The following ULK4 variants were observed in gnomAD, a reference collection of about 807,000 sequenced individuals.
ULK4 encodes inactive serine/threonine-protein kinase ULK4.
In ULK4, 133 loss-of-function variants were observed where a neutral mutation model predicts 160.6. The observed-to-expected ratio is 0.83, with a 90% CI of 0.72 to 0.96. The LOEUF (loss-of-function observed/expected upper bound fraction) is 0.96, where lower values mean the gene tolerates loss of function less well. ULK4 is among the 40% of genes least tolerant of loss of function. ULK4 has a pLI of 0.00. For missense variants in ULK4, 1,580 were observed against 1,499.5 expected, an observed-to-expected ratio of 1.05 and a Z score of -0.89; for synonymous variants, 534 against 539.8, an observed-to-expected ratio of 0.99 and a Z score of 0.15.
chr3:41,268,813 CAAA>C (rs1176923529), intron 35 of ULK4, among the ~76,000 whole-genome samples: 110 of 29,088 alleles, frequency 3.8e-3, no homozygotes, highest in Non-Finnish European at 6.3e-3. Flanking sequence ...CACACACACA[CAAA>C]AAAAAAAAAA....
intron 30 of ULK4, among the ~76,000 whole-genome samples, chr3:41,647,216 C>G (rs1410410388): frequency 6.6e-6 from 1 of 152,232 alleles, no homozygotes; most frequent in African/African-American, 2.4e-5. Context: ...CTCCATCCAG[C>G]TTTGTTCCGT....
At chr3:41,602,695 A>C (rs1383309868) in intron 31 of ULK4, among the ~76,000 whole-genome samples, 1 of 152,142 alleles carries the variant, frequency 6.6e-6, no homozygotes, top group Non-Finnish European at 1.5e-5. Context: ...ATATAGTTTC[A>C]GAGCTGAATT....
intron 30 of ULK4, among the ~76,000 whole-genome samples, chr3:41,648,854 C>CT (rs2034619496): frequency 6.6e-6 from 1 of 152,162 alleles, no homozygotes; most frequent in Admixed American, 6.5e-5. Flanking sequence ...CAGAAGTAGG[C>CT]TAGGCATGGT....
intron 17 of ULK4, among the ~76,000 whole-genome samples, chr3:41,836,746 G>T (rs2041768859): frequency 6.6e-6 from 1 of 152,132 alleles, no homozygotes; most frequent in East Asian, 1.9e-4. Flanking sequence ...TTATACTAAA[G>T]TTGTAATATA....
intron 32 of ULK4, among the ~76,000 whole-genome samples, chr3:41,507,003 T>C (rs922408950): frequency 2.0e-5 from 3 of 149,768 alleles, no homozygotes; most frequent in Admixed American, 6.7e-5. Flanking sequence ...TGCACATATA[T>C]ACACATACAT....
intron 35 of ULK4, among the ~76,000 whole-genome samples, chr3:41,265,714 G>A (rs2079019783): frequency 6.6e-6 from 1 of 152,144 alleles, no homozygotes; most frequent in African/African-American, 2.4e-5. Context: ...GCCCCTTTGA[G>A]AGATCTCACC....
rs183371474 is a variant in ULK4 at position 41,449,705 on chromosome 3, A to T, written c.3492+5792T>A. Among the ~76,000 whole-genome samples, 9 of 152,246 alleles carry T rather than the reference A, an allele frequency of 5.9e-5. No individual in the cohort carries two copies. In the East Asian group the frequency reaches 1.7e-3, roughly 29 times the overall value. ...GAAAAATCTGCTCATGTACTTTGTG[A>T]AAGGAAGAAATTTAGTAATAAAAAT... On this transcript the variant is annotated intron_variant, in intron 34 of 36. Coordinates refer to ENST00000301831, the MANE Select transcript of ULK4 (RefSeq NM_017886.4).
intron 22 of ULK4, among the ~76,000 whole-genome samples, chr3:41,736,239 T>C (rs1338059015): frequency 1.3e-5 from 2 of 151,768 alleles, no homozygotes; most frequent in African/African-American, 2.4e-5. Flanking sequence ...ATGGTATTTC[T>C]AGTTCTAGAT....
intron 21 of ULK4, among the ~76,000 whole-genome samples, chr3:41,758,893 G>T (rs2038893685): frequency 6.6e-6 from 1 of 151,136 alleles, no homozygotes; most frequent in Non-Finnish European, 1.5e-5. Flanking sequence ...AAAAAAAGGT[G>T]TAATTCATCA....
intron 18 of ULK4, among the ~76,000 whole-genome samples, chr3:41,824,011 A>G (rs1048807813): frequency 2.6e-5 from 4 of 152,044 alleles, no homozygotes; most frequent in Non-Finnish European, 5.9e-5. Flanking sequence ...AAAAATACAA[A>G]AATTAGCCAG....
intron 34 of ULK4, among the ~76,000 whole-genome samples, chr3:41,454,861 T>G (rs186540791): frequency 6.9e-6 from 1 of 144,662 alleles, no homozygotes; most frequent in African/African-American, 2.8e-5. Flanking sequence ...CCTGGCTAAT[T>G]TTTTTTTTGT....
At chr3:41,894,097 G>A (rs1384329449) in intron 16 of ULK4, among the ~76,000 whole-genome samples, 1 of 152,152 alleles carries the variant, frequency 6.6e-6, no homozygotes, top group East Asian at 1.9e-4. Flanking sequence ...TGGTATCCAA[G>A]GGGATACTAA....
intron 32 of ULK4, among the ~76,000 whole-genome samples, chr3:41,530,131 A>T (rs1007417087): frequency 3.3e-5 from 5 of 152,252 alleles, no homozygotes; most frequent in African/African-American, 4.8e-5. Context: ...CGATATGTGA[A>T]GTATATCTCA....
At chr3:41,594,054 AAG>A (rs1374295311) in intron 31 of ULK4, among the ~76,000 whole-genome samples, 1 of 151,974 alleles carries the variant, frequency 6.6e-6, no homozygotes. Flanking sequence ...AAAGAGAGAA[AAG>A]AGAGAGAGGG....
intron 32 of ULK4, among the ~76,000 whole-genome samples, chr3:41,504,846 T>C: frequency 6.6e-6 from 1 of 152,216 alleles, no homozygotes; most frequent in East Asian, 1.9e-4. Flanking sequence ...TAAAATTCAC[T>C]AGAGTTGTTG....
chr3:41,501,551 G>A (rs746740230), intron 32 of ULK4, among the ~76,000 whole-genome samples: 1 of 152,016 alleles, frequency 6.6e-6, no homozygotes, highest in Admixed American at 6.5e-5. Flanking sequence ...AATAAAAATT[G>A]TATCTATTTA....
chr3:41,424,290 G>C (rs1346982618), intron 34 of ULK4, among the ~76,000 whole-genome samples: 2 of 152,200 alleles, frequency 1.3e-5, no homozygotes, highest in South Asian at 4.1e-4. Context: ...GAGCCCCTGG[G>C]GGGAGGGGCA....
In ULK4 at chr3:41,805,783, C is replaced by G. The variant is rs1382409084; in HGVS notation, c.1849-5490G>C. Among the ~76,000 whole-genome samples, 189 of 147,404 alleles carry G rather than the reference C, an allele frequency of 1.3e-3. 1 individual carries two copies. The highest frequency in any genetic ancestry group is 2.1e-3 in the Non-Finnish European group (140 of 66,114). The stretch of plus-strand genomic sequence containing the variant: ...TTGGTTCTGTTTATATGCTGGATTA[C>G]ATTTATTGATTTGCGTATATTGAAC... On this transcript the variant is annotated intron_variant, in intron 19 of 36. Transcript: ENST00000301831.
intron 19 of ULK4, among the ~76,000 whole-genome samples, chr3:41,813,845 C>G (rs2040883650): frequency 6.6e-6 from 1 of 152,176 alleles, no homozygotes; most frequent in Non-Finnish European, 1.5e-5. Flanking sequence ...TGTTTTCTTT[C>G]TTTTGAATCT....
Sources: gnomAD v4.1 joint callset for allele counts (sites outside exome capture counted in the v4.1 genomes callset) on GRCh38, gnomAD v4.1.1 for gene constraint, MANE v1.5 for transcripts, NCBI Gene and HGNC (gene_info 2026-07-23, HGNC 2026-07-21) for gene names.